BDP1: variants seen among roughly 807,000 people sequenced by gnomAD.
BDP1 encodes transcription factor TFIIIB component B'' homolog.
BDP1 carries 169 observed loss-of-function variants against 266.6 expected under a neutral mutation model. The ratio of observed to expected loss-of-function variants is 0.63; its 90% CI spans 0.56 to 0.72. The LOEUF (loss-of-function observed/expected upper bound fraction) is 0.72. Ranked by LOEUF, BDP1 falls within the 30% of genes least tolerant of loss-of-function variation. BDP1 has a pLI of 0.00. For synonymous variants in BDP1, 1,090 were observed against 1,022.4 expected, an observed-to-expected ratio of 1.07 and a Z score of -1.26; for missense variants, 3,015 against 3,053.8, an observed-to-expected ratio of 0.99 and a Z score of 0.30.
rs201154082 is a variant in BDP1 at position 71,498,805 on chromosome 5, CCT to C, written c.1956+1382_1956+1383del. On this transcript the variant is annotated intron_variant, in intron 13 of 38. Transcript: ENST00000358731. ...ATGGCATGATCCTGGCTCACTGCAG[CCT>C]CTGTCTCCCAGGTTCAAGCTATTCT... is the stretch of plus-strand genomic sequence containing the variant. Among the ~76,000 whole-genome samples, 692 of 151,574 alleles carry C rather than the reference CCT, an allele frequency of 4.6e-3. 4 individuals are homozygous for C. Among genetic ancestry groups the C allele is most frequent in the African/African-American group, 0.016 (661 of 41,266 alleles).
intron 14 of BDP1, 143 bp from the exon 15 acceptor site, chr5:71,502,456 G>C: frequency 1.4e-6 from 1 of 727,674 alleles, no homozygotes; most frequent in Non-Finnish European, 2.2e-6. Context: ...TTACAGGTGC[G>C]AGCCACTGCG....
At chr5:71,542,049 ATG>A in intron 29 of BDP1, 54 bp from the exon 30 acceptor site, 6 of 1,423,886 alleles carry the variant, frequency 4.2e-6, no homozygotes, top group Non-Finnish European at 5.8e-6. Flanking sequence ...GACTGTATTA[ATG>A]TGAGAGAGCA....
At chr5:71,553,049 CT>C in intron 34 of BDP1, 66 bp from the exon 35 acceptor site, 2 of 1,305,462 alleles carry the variant, frequency 1.5e-6, no homozygotes, top group Non-Finnish European at 1.1e-6. Flanking sequence ...TTCTAGGATC[CT>C]TTAAAAAAAA....
intron 4 of BDP1, 115 bp from the exon 5 acceptor site, chr5:71,465,981 A>G: frequency 9.0e-7 from 1 of 1,106,032 alleles, no homozygotes. Flanking sequence ...TTTGGATTAT[A>G]GGGAAAGTTG....
intron 17 of BDP1, among the ~76,000 whole-genome samples, chr5:71,511,652 GAAATAA>G (rs948854250): frequency 2.0e-4 from 31 of 151,758 alleles, no homozygotes; most frequent in Non-Finnish European, 3.8e-4. Context: ...GTCTCAAAAA[GAAATAA>G]AAATAATTTC....
intron 1 of BDP1, 74 bp from the exon 2 acceptor site, chr5:71,458,505 C>T: frequency 2.7e-6 from 3 of 1,117,284 alleles, no homozygotes; most frequent in East Asian, 2.6e-5. Flanking sequence ...GGATTTTCAC[C>T]AGACTAGGTT....
intron 34 of BDP1, among the ~76,000 whole-genome samples, chr5:71,551,828 C>T (rs1452793819): frequency 6.6e-6 from 1 of 151,158 alleles, no homozygotes; most frequent in African/African-American, 2.4e-5. Flanking sequence ...CAGAGGGGCT[C>T]CCCACTTCCC....
intron 23 of BDP1, 85 bp downstream of exon 23, chr5:71,522,575 C>A: frequency 7.8e-7 from 1 of 1,285,968 alleles, no homozygotes; most frequent in Non-Finnish European, 1.1e-6. Flanking sequence ...GAGTAAAATA[C>A]AGTTTTGACT....
At chr5:71,521,139 A>T (rs1439632008) in intron 22 of BDP1, among the ~76,000 whole-genome samples, 4 of 150,126 alleles carry the variant, frequency 2.7e-5, no homozygotes, top group Non-Finnish European at 4.4e-5. Flanking sequence ...GTGAGCCGAG[A>T]TCGCACCATT....
intron 38 of BDP1, among the ~76,000 whole-genome samples, chr5:71,563,069 A>G (rs1743793049): frequency 1.3e-5 from 2 of 152,158 alleles, no homozygotes; most frequent in Non-Finnish European, 2.9e-5. Context: ...AACATTTTGT[A>G]TTATTTGTTA....
chr5:71,575,342 A>G, the BDP1 span, among the ~76,000 whole-genome samples: 3 of 152,340 alleles, frequency 2.0e-5, no homozygotes, highest in East Asian at 3.9e-4. Flanking sequence ...CTGCCTTACC[A>G]TTAGAATGGC....
chr5:71,499,963 A>T (rs1173090445), intron 13 of BDP1, among the ~76,000 whole-genome samples: 1 of 152,088 alleles, frequency 6.6e-6, no homozygotes, highest in Admixed American at 6.5e-5. Context: ...ACTTTAAAAA[A>T]TTTTCTGGTA....
chr5:71,556,076 C>T (rs2112030342), intron 35 of BDP1, among the ~76,000 whole-genome samples: 1 of 152,122 alleles, frequency 6.6e-6, no homozygotes, highest in African/African-American at 2.4e-5. Flanking sequence ...ATAAATCTTA[C>T]ACATTTCTTA....
chr5:71,483,482 A>G (rs1015075367), intron 7 of BDP1, among the ~76,000 whole-genome samples: 2 of 152,218 alleles, frequency 1.3e-5, no homozygotes, highest in Admixed American at 1.3e-4. Context: ...TATTAGAACA[A>G]TGATGTCAGA....
At chr5:71,489,338 T>C in intron 9 of BDP1, 66 bp from the exon 10 acceptor site, 1 of 1,257,660 alleles carries the variant, frequency 8.0e-7, no homozygotes, top group South Asian at 1.5e-5. Flanking sequence ...TTTGAGTCTC[T>C]TTCCCACCTT....
At chr5:71,560,268 T>G in intron 37 of BDP1, 31 bp downstream of exon 37, 1 of 1,604,198 alleles carries the variant, frequency 6.2e-7, no homozygotes, top group Non-Finnish European at 8.5e-7. Context: ...ATAAGTGTTT[T>G]GCTCTCTGTC....
At chr5:71,530,627 C>G (rs1383785673) in intron 25 of BDP1, among the ~76,000 whole-genome samples, 6 of 152,060 alleles carry the variant, frequency 3.9e-5, no homozygotes, top group Admixed American at 3.9e-4. Context: ...TCAAGCGACC[C>G]TCACACCTCA....
chr5:71,505,270 G>C (rs1032325013), intron 16 of BDP1, among the ~76,000 whole-genome samples: 1 of 152,144 alleles, frequency 6.6e-6, no homozygotes, highest in Non-Finnish European at 1.5e-5. Flanking sequence ...GCCTCCTAAA[G>C]TGGTGGGATT....
chr5:71,525,609 C>T (rs1310818525), intron 25 of BDP1, among the ~76,000 whole-genome samples: 1 of 123,104 alleles, frequency 8.1e-6, no homozygotes. Context: ...AACCTCCTTC[C>T]CGGACGGGGC....
Sources: allele counts gnomAD v4.1 joint callset (sites outside exome capture counted in the v4.1 genomes callset), GRCh38; gene constraint gnomAD v4.1.1; transcripts MANE v1.5; gene names NCBI Gene and HGNC (gene_info 2026-07-23, HGNC 2026-07-21).